GNB4: variants seen among roughly 807,000 people sequenced by gnomAD.
GNB4 encodes guanine nucleotide-binding protein subunit beta-4.
Under a neutral mutation model 45.2 loss-of-function variants are expected in GNB4, and 28 were observed. The ratio of observed to expected loss-of-function variants is 0.62; its 90% CI spans 0.46 to 0.85. GNB4 has a LOEUF of 0.85. Ranked by LOEUF, GNB4 falls within the 40% of genes least tolerant of loss-of-function variation. The probability of loss-of-function intolerance (pLI) is 0.00; values close to 1 mark genes in which losing one functional copy is unlikely to be tolerated. For synonymous variants in GNB4, 132 were observed against 143.7 expected (o/e 0.92, Z 0.58); for missense variants, 321 against 425.4 (o/e 0.75, Z 2.16).
chr3:179,433,847 A>G (rs1715374147), intron 1 of GNB4, among the ~76,000 whole-genome samples: 1 of 152,236 alleles, frequency 6.6e-6, no homozygotes, highest in Non-Finnish European at 1.5e-5. Context: ...ATGTGCAAAG[A>G]TATGAACTGG....
intron 3 of GNB4, among the ~76,000 whole-genome samples, 180 bp from the exon 4 acceptor site, chr3:179,419,685 G>C (rs1041529855): frequency 6.6e-6 from 1 of 152,060 alleles, no homozygotes; most frequent in African/African-American, 2.4e-5. Context: ...TGAAAATTAT[G>C]ATTAGTTTAA....
intron 1 of GNB4, among the ~76,000 whole-genome samples, chr3:179,447,346 T>TA (rs33953450): frequency 0.76 from 92,697 of 121,396 alleles, 35,586 homozygotes; most frequent in East Asian, 0.97. Context: ...ATCATGGTAT[T>TA]AAAAAAAAAA....
intron 9 of GNB4, among the ~76,000 whole-genome samples, chr3:179,404,752 T>G (rs1471523733): frequency 1.3e-5 from 2 of 152,186 alleles, no homozygotes; most frequent in African/African-American, 2.4e-5. Context: ...GCTTAATGTG[T>G]ATTGTCATCT....
the GNB4 span, among the ~76,000 whole-genome samples, chr3:179,463,719 A>T: frequency 6.6e-6 from 1 of 152,228 alleles, no homozygotes; most frequent in African/African-American, 2.4e-5. Context: ...ATCCAGACCA[A>T]GAAAATGCAG....
chr3:179,527,188 C>T, the GNB4 span, among the ~76,000 whole-genome samples: 17 of 152,118 alleles, frequency 1.1e-4, no homozygotes, highest in East Asian at 3.3e-3. Flanking sequence ...AAGCAGGATG[C>T]CGGGAAGGAG....
chr3:179,423,689 G>A (rs1271446344), intron 2 of GNB4, among the ~76,000 whole-genome samples: 1 of 152,092 alleles, frequency 6.6e-6, no homozygotes, highest in Admixed American at 6.5e-5. Flanking sequence ...GCTGAGGCAG[G>A]AGAATCACTT....
At chr3:179,516,746 T>A in the GNB4 span, among the ~76,000 whole-genome samples, 1 of 152,038 alleles carries the variant, frequency 6.6e-6, no homozygotes, top group Non-Finnish European at 1.5e-5. Flanking sequence ...ATTCGCCTTG[T>A]GTGGGAAGAG....
At position 179,396,720 on chromosome 3, in the gene GNB4, C is replaced by A. The variant is rs993812389; in HGVS notation, c.*4493G>T. ...TCAACATGCAAACATTTGCTAAATA[C>A]AAGGTGTACCATCAATGTGTGATTA... On this transcript the variant is annotated 3_prime_UTR_variant, in exon 10 of 10. Coordinates refer to ENST00000232564, the MANE Select transcript of GNB4 (RefSeq NM_021629.4). 7.1e-6 allele frequency: 1 copy of A among 140,754 alleles called. No individual in the cohort carries two copies. Among genetic ancestry groups the A allele is most frequent in the Non-Finnish European group, 1.5e-5 (1 of 65,626 alleles). The allele number at this position is 140,754 out of a possible 1,614,324, so 8.7% of individuals were successfully genotyped here.
intron 1 of GNB4, among the ~76,000 whole-genome samples, chr3:179,445,190 T>C (rs923849860): frequency 6.6e-6 from 1 of 152,218 alleles, no homozygotes; most frequent in Non-Finnish European, 1.5e-5. Context: ...GAAAGTAGAT[T>C]TCATTAATTT....
chr3:179,499,613 G>C, the GNB4 span, among the ~76,000 whole-genome samples: 1 of 152,184 alleles, frequency 6.6e-6, no homozygotes, highest in Non-Finnish European at 1.5e-5. Context: ...ACCCAGTAAT[G>C]GGATTGCTGG....
chr3:179,488,487 A>C, the GNB4 span, among the ~76,000 whole-genome samples: 45 of 152,268 alleles, frequency 3.0e-4, no homozygotes, highest in South Asian at 2.3e-3. Context: ...TTCCAGCTTC[A>C]ACCAGAGGCT....
chr3:179,498,099 C>T, the GNB4 span, among the ~76,000 whole-genome samples: 4 of 152,166 alleles, frequency 2.6e-5, no homozygotes, highest in Admixed American at 2.0e-4. Flanking sequence ...GACCCATGTT[C>T]GTTGCAGCTT....
the GNB4 span, among the ~76,000 whole-genome samples, chr3:179,472,982 T>A: frequency 1.3e-5 from 2 of 152,116 alleles, no homozygotes; most frequent in East Asian, 1.9e-4. Flanking sequence ...GCTAACACAG[T>A]GAAACCCCTT....
At chr3:179,473,562 A>T in the GNB4 span, among the ~76,000 whole-genome samples, 1 of 152,016 alleles carries the variant, frequency 6.6e-6, no homozygotes, top group Non-Finnish European at 1.5e-5. Context: ...CAGCCTCCCA[A>T]AGTGCTGGGA....
chr3:179,472,574 G>A, the GNB4 span, among the ~76,000 whole-genome samples: 3 of 151,824 alleles, frequency 2.0e-5, no homozygotes, highest in African/African-American at 7.3e-5. Context: ...ATTTTGCTAA[G>A]GCTGGTCTCA....
chr3:179,498,748 GGTTT>G, the GNB4 span, among the ~76,000 whole-genome samples: 1 of 117,596 alleles, frequency 8.5e-6, no homozygotes, highest in African/African-American at 3.7e-5. Context: ...GTTGAGGTTT[GGTTT>G]TTTTTTTTTT....
At chr3:179,469,605 T>C in the GNB4 span, among the ~76,000 whole-genome samples, 1 of 152,150 alleles carries the variant, frequency 6.6e-6, no homozygotes, top group South Asian at 2.1e-4. Context: ...CACCATAAAA[T>C]AGCAATAGTA....
the GNB4 span, among the ~76,000 whole-genome samples, chr3:179,502,885 G>A: frequency 6.6e-6 from 1 of 152,090 alleles, no homozygotes; most frequent in Non-Finnish European, 1.5e-5. Flanking sequence ...TGTCATCCAG[G>A]CTAGAGTGCA....
At chr3:179,484,985 A>C in the GNB4 span, among the ~76,000 whole-genome samples, 1 of 145,412 alleles carries the variant, frequency 6.9e-6, no homozygotes, top group East Asian at 2.0e-4. Context: ...TTCAGTGTTC[A>C]TGGCAACTTT....
Sources: allele counts gnomAD v4.1 joint callset (sites outside exome capture counted in the v4.1 genomes callset), GRCh38; gene constraint gnomAD v4.1.1; transcripts MANE v1.5; gene names NCBI Gene and HGNC (gene_info 2026-07-23, HGNC 2026-07-21).